Variants in CLEC4E observed in about 807,000 individuals in gnomAD.
The protein encoded by CLEC4E is C-type (calcium dependent, carbohydrate-recognition domain) lectin, superfamily member 9.
Under a neutral mutation model 24.7 loss-of-function variants are expected in CLEC4E, and 21 were observed. That is an observed-to-expected ratio of 0.85 (90% CI 0.60 to 1.22). CLEC4E has a LOEUF of 1.22. CLEC4E is among the 50% of genes most tolerant of loss of function. The probability of loss-of-function intolerance (pLI) is 0.00; values close to 1 mark genes in which losing one functional copy is unlikely to be tolerated. For missense variants in CLEC4E, 249 were observed against 254.1 expected (o/e 0.98, Z 0.14); for synonymous variants, 94 against 85.7 (o/e 1.10, Z -0.54).
In CLEC4E at chr12:8,534,568, G is replaced by T. The variant is rs146311708; in HGVS notation, c.*70C>A. ...TTGAAGTTCAGCGCACAAATTTCTC[G>T]TGTGGGGCGGTGGGTGTGGCCATGT... On this transcript the variant is annotated 3_prime_UTR_variant, in exon 6 of 6. Transcript: ENST00000299663. The T allele has an allele frequency of 8.8e-4, 1,029 of 1,175,650 alleles. 4 individuals are homozygous for T. The Middle Eastern group carries it at 0.013, about 15-fold the overall frequency. The allele number at this position is 1,175,650 out of a possible 1,614,324, so 72.8% of individuals were successfully genotyped here.
intron 4 of CLEC4E, 45 bp downstream of exon 4, chr12:8,537,070 G>A (rs552457608): frequency 1.3e-6 from 2 of 1,577,682 alleles, no homozygotes; most frequent in Non-Finnish European, 1.7e-6. Flanking sequence ...AAGAGAGGTG[G>A]ACCATGTCGG....
At chr12:8,536,790 TAAAG>T (rs1940620898) in intron 4 of CLEC4E, among the ~76,000 whole-genome samples, 1 of 152,208 alleles carries the variant, frequency 6.6e-6, no homozygotes, top group African/African-American at 2.4e-5. Flanking sequence ...AATCACAGCT[TAAAG>T]AAAACGGACA....
rs749293813 is a variant in CLEC4E, at chr12:8,540,794, T to G, written c.4A>C (p.Asn2His). 5 of 1,606,220 alleles carry G rather than the reference T, an allele frequency of 3.1e-6. No individual in the cohort carries two copies. The South Asian group carries it at 5.5e-5, about 18-fold the overall frequency. Reference protein sequence around the residue: MNSSKSSETQCT... With the variant: MHSSKSSETQCT... ...TGTGTTTCAGATGATTTAGATGAAT[T>G]CATTTTTTCTCTCTCTTTGGTTTTT... is the stretch of plus-strand genomic sequence containing the variant. The change falls in exon 1 of 6, where the codon AAT becomes CAT. Residue 2 changes from asparagine to histidine, a missense_variant. Transcript: ENST00000299663.
chr12:8,537,298 A>T, intron 3 of CLEC4E, 32 bp from the exon 4 acceptor site: 1 of 1,594,298 alleles, frequency 6.3e-7, no homozygotes, highest in Non-Finnish European at 8.6e-7. Context: ...TGAGTGTCCC[A>T]GGTGAACCGA....
chr12:8,538,972 T>C (rs1262541522), intron 3 of CLEC4E: 1 of 450,692 alleles, frequency 2.2e-6, no homozygotes, highest in African/African-American at 2.0e-5. Flanking sequence ...CTCCTGGGAA[T>C]AATACCTTCC....
intron 3 of CLEC4E, among the ~76,000 whole-genome samples, chr12:8,538,099 C>G (rs951641682): frequency 2.0e-5 from 3 of 152,240 alleles, no homozygotes; most frequent in African/African-American, 7.2e-5. Flanking sequence ...ACACCCGCTA[C>G]TTAGCAGACA....
chr12:8,534,791 C>T lies in CLEC4E; in HGVS notation c.507G>A (p.Glu169=). The T allele has an allele frequency of 6.2e-7, 1 of 1,613,322 alleles. No homozygotes were observed. Among genetic ancestry groups the T allele is most frequent in the Non-Finnish European group, 8.5e-7 (1 of 1,179,712 alleles). Residue 169 remains glutamate, a synonymous_variant, in exon 6 of 6, where the codon GAG becomes GAA. Transcript: ENST00000299663. ...CCTCCAGGGTAGCTATGTTGTTGGG[C>T]TCCCCTACATCCCAGAAGCTGAAAA... ...TKSLSFWDVG[E]PNNIATLEDC...
intron 1 of CLEC4E, among the ~76,000 whole-genome samples, chr12:8,540,384 C>CTTT (rs747207313): frequency 9.7e-5 from 14 of 144,868 alleles, no homozygotes; most frequent in Non-Finnish European, 2.0e-4. Flanking sequence ...TTCTCCTGAT[C>CTTT]TTTTTTTTTT....
chr12:8,538,990 G>A (rs779621574), intron 3 of CLEC4E: 1 of 453,088 alleles, frequency 2.2e-6, no homozygotes, highest in Non-Finnish European at 3.9e-6. Flanking sequence ...TCCACTTCCA[G>A]ATTTACTGTT....
At chr12:8,538,556 G>A (rs181760983) in intron 3 of CLEC4E, among the ~76,000 whole-genome samples, 78 of 152,214 alleles carry the variant, frequency 5.1e-4, no homozygotes, top group Middle Eastern at 3.4e-3. Context: ...AGCCACTACC[G>A]GTCTCCGCGC....
At chr12:8,540,650 C>T in intron 1 of CLEC4E, 111 bp downstream of exon 1, 1 of 777,422 alleles carries the variant, frequency 1.3e-6, no homozygotes, top group Non-Finnish European at 1.9e-6. Flanking sequence ...TGTCCCCCCA[C>T]TTTTTTTTTT....
chr12:8,536,376 C>T (rs1231173478), intron 4 of CLEC4E, among the ~76,000 whole-genome samples, 171 bp from the exon 5 acceptor site: 5 of 151,966 alleles, frequency 3.3e-5, no homozygotes, highest in African/African-American at 7.3e-5. Context: ...ACCAACATGG[C>T]GAAACCCTGT....
In CLEC4E at chr12:8,534,575, G is replaced by A. The variant is rs1415049159; in HGVS notation, c.*63C>T. On this transcript the variant is annotated 3_prime_UTR_variant, in exon 6 of 6. Transcript: ENST00000299663. ...TCAGCGCACAAATTTCTCGTGTGGG[G>A]CGGTGGGTGTGGCCATGTTCTTGCT... 3 of 1,275,238 alleles carry A rather than the reference G, an allele frequency of 2.4e-6. No individual in the cohort carries two copies. Among genetic ancestry groups the A allele is most frequent in the African/African-American group, 3.0e-5 (2 of 67,330 alleles). The allele number at this position is 1,275,238 out of a possible 1,614,324, so 79.0% of individuals were successfully genotyped here. A position where few individuals can be genotyped will look rare whatever the true frequency, so the allele number is the denominator to read the frequency against.
intron 3 of CLEC4E, among the ~76,000 whole-genome samples, chr12:8,537,787 T>C (rs967226925): frequency 3.9e-5 from 6 of 152,242 alleles, no homozygotes; most frequent in Non-Finnish European, 7.3e-5. Context: ...CAGATATAGA[T>C]CTTAGATATG....
Position 8,540,737 on chromosome 12 carries a change from G to C in CLEC4E, c.37+24C>G, listed in dbSNP as rs4620776. 6.3e-6 allele frequency: 10 copies of C among 1,594,178 alleles called. No individual in the cohort carries two copies. In the African/African-American group the frequency reaches 1.3e-4, roughly 21 times the overall value. On this transcript the variant is annotated intron_variant, in intron 1 of 5. Transcript: ENST00000299663. ...TGTTCCAAAAAGAGATCTATGGAAG[G>C]AAAGGAAGAGTTGCAGATTTTACCT...
chr12:8,535,479 T>G (rs7307228), intron 5 of CLEC4E, among the ~76,000 whole-genome samples: 88,437 of 152,000 alleles, frequency 0.58, 25,863 homozygotes, highest in South Asian at 0.7. Flanking sequence ...CGGGTCATGT[T>G]ATGATTTCTG....
Position 8,534,063 on chromosome 12 carries a change from C to T in CLEC4E, c.*575G>A, listed in dbSNP as rs1158588537. ...TGTTTGGAGCTGATGGCTGGCATGC[C>T]CTTCCCTAAGAAGGTGCAGTGGAGG... On this transcript the variant is annotated 3_prime_UTR_variant, in exon 6 of 6. Coordinates refer to ENST00000299663, the MANE Select transcript of CLEC4E (RefSeq NM_014358.4). The T allele has an allele frequency of 6.6e-6, 1 of 152,230 alleles. No homozygotes were observed. Among genetic ancestry groups the T allele is most frequent in the Non-Finnish European group, 1.5e-5 (1 of 68,098 alleles). 9.4% of individuals were successfully genotyped at this position (152,230 alleles called of 1,614,324 possible). A position where few individuals can be genotyped will look rare whatever the true frequency, so the allele number is the denominator to read the frequency against.
At chr12:8,537,078 C>T (rs1311626279) in intron 4 of CLEC4E, 37 bp downstream of exon 4, 1 of 1,589,302 alleles carries the variant, frequency 6.3e-7, no homozygotes, top group Non-Finnish European at 8.6e-7. Flanking sequence ...TGGACCATGT[C>T]GGGAATGTTA....
chr12:8,539,941 C>T lies in CLEC4E; in HGVS notation c.44G>A (p.Gly15Glu), dbSNP rs1326259126. Residue 15 changes from glycine (G) to glutamate (E), a missense_variant, in exon 2 of 6, where the codon GGA becomes GAA. Physicochemically the swap from Gly to Glu is moderately conservative, Grantham distance 98. Transcript: ENST00000299663. Reference protein sequence around the residue: ...KSSETQCTERGCFSSQMFLWT... With the variant: ...KSSETQCTERECFSSQMFLWT... ...TAAGAACATTTGGGAAGAGAAGCATCCTCTCTCTGTAGAAAGAAAGACACA... is the reference window on the plus strand; with the variant it reads ...TAAGAACATTTGGGAAGAGAAGCATTCTCTCTCTGTAGAAAGAAAGACACA... 1 of 1,595,892 alleles carries T rather than the reference C, an allele frequency of 6.3e-7. No homozygotes were observed. Among genetic ancestry groups the T allele is most frequent in the Non-Finnish European group, 8.6e-7 (1 of 1,163,578 alleles).
Sources: gnomAD v4.1 joint callset for allele counts (sites outside exome capture counted in the v4.1 genomes callset) on GRCh38, gnomAD v4.1.1 for gene constraint, MANE v1.5 for transcripts, NCBI Gene and HGNC (gene_info 2026-07-23, HGNC 2026-07-21) for gene names.